Variants in RIC8B observed in about 807,000 individuals in gnomAD.
The protein encoded by RIC8B is chaperone Ric-8B.
In RIC8B, 16 loss-of-function variants were observed where a neutral mutation model predicts 57.5. The ratio of observed to expected loss-of-function variants is 0.28; its 90% CI spans 0.19 to 0.42. The LOEUF (loss-of-function observed/expected upper bound fraction) is 0.42. Among genes scored for constraint, RIC8B ranks in the 10% least tolerant of loss-of-function variants. The pLI, the probability that RIC8B is intolerant of heterozygous loss-of-function variation, is 1.00. For missense variants in RIC8B, 481 were observed against 677.0 expected (o/e 0.71, Z 3.21); for synonymous variants, 216 against 250.8 (o/e 0.86, Z 1.31).
intron 9 of RIC8B, among the ~76,000 whole-genome samples, chr12:106,872,683 A>C (rs1024993021): frequency 2.0e-5 from 3 of 151,942 alleles, no homozygotes; most frequent in Admixed American, 6.5e-5. Context: ...AAAAAAAAAA[A>C]AAACAAACCC....
rs571960756 is a variant in RIC8B at position 106,818,486 on chromosome 12, G to A, written c.741+3182G>A. On this transcript the variant is annotated intron_variant, in intron 3 of 9. Coordinates refer to ENST00000392837, the MANE Select transcript of RIC8B (RefSeq NM_001330145.2). ...GCCTCTCTTTTTTAACTAAAGAACA[G>A]GGTCTTGTCTGTTGCCTAGGCTGGA... 1.6e-4 allele frequency among the ~76,000 whole-genome samples: 24 copies of A among 151,860 alleles called. 2 individuals are homozygous for A. The South Asian group carries it at 5.0e-3, about 32-fold the overall frequency.
chr12:106,825,239 T>A (rs898567773), intron 3 of RIC8B, among the ~76,000 whole-genome samples: 5 of 152,206 alleles, frequency 3.3e-5, no homozygotes, highest in Non-Finnish European at 5.9e-5. Context: ...TCACTTGTAT[T>A]TCATTACTTG....
chr12:106,832,580 A>G lies in RIC8B; in HGVS notation c.836+6760A>G, dbSNP rs116770871. ...AGACTCTGTATGAAAAAAAAAAAAAAATTTATGCTTAAAAAGAGTGAAGAT... is the reference window on the plus strand; with the variant it reads ...AGACTCTGTATGAAAAAAAAAAAAAGATTTATGCTTAAAAAGAGTGAAGAT... On this transcript the variant is annotated intron_variant, in intron 4 of 9. Coordinates refer to ENST00000392837, the MANE Select transcript of RIC8B (RefSeq NM_001330145.2). Among the ~76,000 whole-genome samples the G allele has an allele frequency of 6.8e-3, 1,036 of 151,944 alleles. 13 individuals are homozygous for G. Among genetic ancestry groups the G allele is most frequent in the African/African-American group, 0.024 (996 of 41,400 alleles).
chr12:106,803,492 G>A (rs1445051437), intron 2 of RIC8B, among the ~76,000 whole-genome samples: 1 of 152,080 alleles, frequency 6.6e-6, no homozygotes, highest in Non-Finnish European at 1.5e-5. Context: ...CTCAATGCTT[G>A]TAATGTGTGT....
chr12:106,845,669 C>T (rs1949154623), intron 6 of RIC8B, among the ~76,000 whole-genome samples: 1 of 152,126 alleles, frequency 6.6e-6, no homozygotes, highest in Non-Finnish European at 1.5e-5. Flanking sequence ...AACAAAAACA[C>T]CTTCCCTTAT....
intron 4 of RIC8B, among the ~76,000 whole-genome samples, chr12:106,830,204 C>A (rs978712980): frequency 6.6e-6 from 1 of 152,112 alleles, no homozygotes; most frequent in African/African-American, 2.4e-5. Flanking sequence ...TTTTCTATTT[C>A]TAAAAAAGAG....
intron 7 of RIC8B, among the ~76,000 whole-genome samples, chr12:106,857,812 C>T (rs1263641234): frequency 3.3e-5 from 5 of 152,176 alleles, no homozygotes; most frequent in Non-Finnish European, 7.4e-5. Flanking sequence ...ATGCTTCTCA[C>T]TGTGAGGATT....
intron 4 of RIC8B, among the ~76,000 whole-genome samples, chr12:106,833,127 A>G (rs2046428802): frequency 6.6e-6 from 1 of 152,132 alleles, no homozygotes. Flanking sequence ...TATTTTGATC[A>G]TATTCCTAAT....
chr12:106,855,782 C>T (rs1949695106), intron 7 of RIC8B, among the ~76,000 whole-genome samples: 1 of 152,044 alleles, frequency 6.6e-6, no homozygotes. Context: ...TTATCCTCTC[C>T]CTTGGCTTCT....
At position 106,842,675 on chromosome 12, in the gene RIC8B, A is replaced by C. The variant is rs1403286540; in HGVS notation, c.923A>C (p.Glu308Ala). 6.2e-7 allele frequency: 1 copy of C among 1,612,572 alleles called. No homozygotes were observed. Residue 308 changes from glutamate (E) to alanine (A), a missense_variant, in exon 5 of 10, where the codon GAG becomes GCG. Around this residue, in one of 3 missense-constraint regions of RIC8B, gnomAD observed 421 missense variants for 560.9 expected, o/e 0.75. Coordinates refer to ENST00000392837, the MANE Select transcript of RIC8B (RefSeq NM_001330145.2). ...TTAACCCATGAAGAAACAGCCCAAG[A>C]GGCAACGACTCTAGATGAACTGCCC... ...CPLTHEETAQ[E>A]ATTLDELPSN... is the part of the protein sequence containing the mutation.
intron 9 of RIC8B, among the ~76,000 whole-genome samples, chr12:106,882,007 CTTG>C (rs1034110740): frequency 6.6e-6 from 1 of 152,196 alleles, no homozygotes; most frequent in African/African-American, 2.4e-5. Context: ...TCATCTCAAG[CTTG>C]TTGATCTGCT....
chr12:106,878,886 C>T (rs748398512), intron 9 of RIC8B: 15 of 627,838 alleles, frequency 2.4e-5, no homozygotes, highest in Non-Finnish European at 2.4e-5. Flanking sequence ...AGGATCGGAA[C>T]TATTATGCAG....
intron 9 of RIC8B, chr12:106,873,094 C>T (rs1243887110): frequency 1.0e-6 from 1 of 985,164 alleles, no homozygotes; most frequent in Non-Finnish European, 1.2e-6. Flanking sequence ...TCTGAAATAC[C>T]CCAGCTTCCA....
chr12:106,826,037 CAGG>C (rs1453741208), intron 4 of RIC8B, among the ~76,000 whole-genome samples: 1 of 152,114 alleles, frequency 6.6e-6, no homozygotes, highest in East Asian at 1.9e-4. Flanking sequence ...TGAGGCTCAA[CAGG>C]AGAAGAGAAT....
intron 8 of RIC8B, among the ~76,000 whole-genome samples, chr12:106,864,455 A>G (rs965331432): frequency 3.9e-5 from 6 of 152,242 alleles, no homozygotes; most frequent in Middle Eastern, 3.4e-3. Context: ...CTAGACAAAT[A>G]TTATATAATC....
intron 7 of RIC8B, among the ~76,000 whole-genome samples, chr12:106,854,783 G>A (rs755197360): frequency 7.2e-5 from 11 of 151,976 alleles, no homozygotes; most frequent in Non-Finnish European, 1.0e-4. Context: ...GCAAGACTCC[G>A]TCTCAAAAAA....
intron 3 of RIC8B, chr12:106,822,128 CT>C (rs1319043341): frequency 1.4e-5 from 2 of 145,830 alleles, no homozygotes; most frequent in African/African-American, 5.1e-5. Context: ...AAGCAAAGGG[CT>C]TGAACAGGAA....
intron 8 of RIC8B, chr12:106,868,506 T>C (rs1362656868): frequency 3.0e-6 from 1 of 337,308 alleles, no homozygotes; most frequent in Non-Finnish European, 5.9e-6. Context: ...GAGAAACCAG[T>C]GAAAAGAGAT....
chr12:106,781,820 T>C (rs1593067631), intron 1 of RIC8B, among the ~76,000 whole-genome samples: 2 of 152,136 alleles, frequency 1.3e-5, no homozygotes, highest in South Asian at 4.1e-4. Context: ...ATTTTACATA[T>C]AATGGCAAAA....
Sources: allele counts gnomAD v4.1 joint callset (sites outside exome capture counted in the v4.1 genomes callset), GRCh38; gene constraint gnomAD v4.1.1; regional missense constraint gnomAD v4.1.1; transcripts MANE v1.5; gene names NCBI Gene and HGNC (gene_info 2026-07-23, HGNC 2026-07-21).